Variants in DENND1A observed in about 807,000 individuals in gnomAD.
DENND1A encodes DENN domain containing 1A.
DENND1A carries 51 observed loss-of-function variants against 113.7 expected under a neutral mutation model. The ratio of observed to expected loss-of-function variants is 0.45; its 90% CI spans 0.36 to 0.57. DENND1A has a LOEUF of 0.57. Among genes scored for constraint, DENND1A ranks in the 20% least tolerant of loss-of-function variants. The pLI, the probability that DENND1A is intolerant of heterozygous loss-of-function variation, is 0.00. For missense variants in DENND1A, 1,258 were observed against 1,395.9 expected (o/e 0.90, Z 1.57); for synonymous variants, 565 against 570.8 (o/e 0.99, Z 0.14).
chr9:123,793,797 A>G (rs547572147), intron 2 of DENND1A, among the ~76,000 whole-genome samples: 1 of 152,314 alleles, frequency 6.6e-6, no homozygotes, highest in Admixed American at 6.5e-5. Flanking sequence ...AATGTGTATT[A>G]TTTTTTAAAA....
At chr9:123,782,988 G>A (rs1330762994) in intron 3 of DENND1A, among the ~76,000 whole-genome samples, 1 of 151,866 alleles carries the variant, frequency 6.6e-6, no homozygotes, top group Non-Finnish European at 1.5e-5. Context: ...AATAGTCAGA[G>A]GAATCTTTAC....
chr9:123,463,908 C>A (rs372279120), intron 13 of DENND1A, among the ~76,000 whole-genome samples: 510 of 122,990 alleles, frequency 4.1e-3, no homozygotes, highest in Non-Finnish European at 4.8e-3. Flanking sequence ...GACTCCAGCT[C>A]AAAAAAAAAA....
At chr9:123,899,696 CACTGAACT>C (rs1284893136) in intron 1 of DENND1A, among the ~76,000 whole-genome samples, 1 of 152,124 alleles carries the variant, frequency 6.6e-6, no homozygotes, top group Non-Finnish European at 1.5e-5. Context: ...GCTTGAGTAC[CACTGAACT>C]AATAATTTGC....
At chr9:123,654,776 C>T (rs2062842573) in intron 8 of DENND1A, among the ~76,000 whole-genome samples, 1 of 152,240 alleles carries the variant, frequency 6.6e-6, no homozygotes. Context: ...TCTGCTTCCT[C>T]CCCTGCCTCT....
At chr9:123,447,824 G>A (rs547196933) in intron 18 of DENND1A, among the ~76,000 whole-genome samples, 2 of 151,894 alleles carry the variant, frequency 1.3e-5, no homozygotes, top group South Asian at 4.2e-4. Flanking sequence ...ATTTTCTACT[G>A]CTATGTGAGA....
chr9:123,601,026 A>C (rs2059915545), intron 11 of DENND1A, among the ~76,000 whole-genome samples: 1 of 152,174 alleles, frequency 6.6e-6, no homozygotes, highest in South Asian at 2.1e-4. Flanking sequence ...TAAACTTTTA[A>C]GTTTTCTCTG....
chr9:123,587,701 C>A (rs2059247682), intron 11 of DENND1A, among the ~76,000 whole-genome samples: 1 of 152,228 alleles, frequency 6.6e-6, no homozygotes, highest in African/African-American at 2.4e-5. Context: ...GCACATCACA[C>A]ACTGTTGGCT....
At chr9:123,691,847 C>T (rs979559059) in intron 5 of DENND1A, among the ~76,000 whole-genome samples, 8 of 152,064 alleles carry the variant, frequency 5.3e-5, no homozygotes, top group Non-Finnish European at 1.0e-4. Flanking sequence ...TGAGGGCCTC[C>T]GTCAGTGCTC....
At chr9:123,432,339 G>GT (rs1181693763) in intron 19 of DENND1A, among the ~76,000 whole-genome samples, 1 of 152,232 alleles carries the variant, frequency 6.6e-6, no homozygotes, top group Non-Finnish European at 1.5e-5. Context: ...CACGTGGAAA[G>GT]ACAGGCCTAG....
intron 15 of DENND1A, among the ~76,000 whole-genome samples, chr9:123,455,414 G>A (rs140874162): frequency 7.9e-4 from 121 of 152,352 alleles, no homozygotes; most frequent in African/African-American, 2.8e-3. Flanking sequence ...AAGGGACCAC[G>A]GGGTCCATAA....
intron 10 of DENND1A, among the ~76,000 whole-genome samples, chr9:123,617,921 G>C (rs1420044161): frequency 7.3e-6 from 1 of 136,424 alleles, no homozygotes; most frequent in African/African-American, 2.9e-5. Flanking sequence ...TGAAGAGAAA[G>C]TAACAGAAAA....
At chr9:123,720,658 G>C (rs2067272589) in intron 5 of DENND1A, among the ~76,000 whole-genome samples, 1 of 152,188 alleles carries the variant, frequency 6.6e-6, no homozygotes, top group African/African-American at 2.4e-5. Flanking sequence ...TCTTAGCAGA[G>C]TTAACTTTAT....
intron 18 of DENND1A, among the ~76,000 whole-genome samples, chr9:123,446,347 G>A (rs750756210): frequency 7.9e-5 from 12 of 152,114 alleles, no homozygotes; most frequent in Non-Finnish European, 1.6e-4. Flanking sequence ...TTAATGTGTC[G>A]GGAGACAGGG....
At chr9:123,616,870 G>A (rs1414591422) in intron 10 of DENND1A, among the ~76,000 whole-genome samples, 2 of 152,236 alleles carry the variant, frequency 1.3e-5, no homozygotes, top group African/African-American at 4.8e-5. Context: ...GAATAGATCT[G>A]GTCCCCATGT....
intron 2 of DENND1A, among the ~76,000 whole-genome samples, chr9:123,863,014 C>G (rs1845275072): frequency 6.6e-6 from 1 of 152,170 alleles, no homozygotes; most frequent in South Asian, 2.1e-4. Flanking sequence ...TATATTTTAT[C>G]TCTTTTTCAA....
At chr9:123,412,790 G>A (rs1240209770) in intron 19 of DENND1A, among the ~76,000 whole-genome samples, 3 of 152,168 alleles carry the variant, frequency 2.0e-5, no homozygotes, top group Admixed American at 1.3e-4. Context: ...AGCAATCCCC[G>A]GGAGGCTTCC....
At chr9:123,922,172 C>T (rs1260720303) in intron 1 of DENND1A, among the ~76,000 whole-genome samples, 1 of 152,058 alleles carries the variant, frequency 6.6e-6, no homozygotes, top group African/African-American at 2.4e-5. Flanking sequence ...GGACTCAAGC[C>T]ATCCACCCTC....
chr9:123,844,095 AAATG>A (rs755364925), intron 2 of DENND1A, among the ~76,000 whole-genome samples: 43,971 of 151,876 alleles, frequency 0.29, 10,119 homozygotes, highest in African/African-American at 0.64. Flanking sequence ...GCATCTAAAA[AAATG>A]ATATAATTAA....
At chr9:123,683,874 A>C (rs1315121777) in intron 5 of DENND1A, among the ~76,000 whole-genome samples, 4 of 152,228 alleles carry the variant, frequency 2.6e-5, no homozygotes, top group Non-Finnish European at 5.9e-5. Context: ...ATTAATTACC[A>C]CTAGAGCTAC....
Sources: gnomAD v4.1 joint callset for allele counts (sites outside exome capture counted in the v4.1 genomes callset) on GRCh38, gnomAD v4.1.1 for gene constraint, MANE v1.5 for transcripts, NCBI Gene and HGNC (gene_info 2026-07-23, HGNC 2026-07-21) for gene names.